ELAPOR2: variants seen among roughly 807,000 people sequenced by gnomAD.
ELAPOR2 encodes endosome/lysosome-associated apoptosis and autophagy regulator family member 2.
In ELAPOR2, 89 loss-of-function variants were observed where a neutral mutation model predicts 120.7. The ratio of observed to expected loss-of-function variants is 0.74; its 90% CI spans 0.62 to 0.88. ELAPOR2 has a LOEUF of 0.88. Among genes scored for constraint, ELAPOR2 ranks in the 40% least tolerant of loss-of-function variants. ELAPOR2 has a pLI of 0.00. For synonymous variants in ELAPOR2, 444 were observed against 444.9 expected (o/e 1.00, Z 0.03); for missense variants, 1,134 against 1,251.6 (o/e 0.91, Z 1.42).
At chr7:86,925,196 T>C (rs946483985) in intron 10 of ELAPOR2, among the ~76,000 whole-genome samples, 3 of 152,006 alleles carry the variant, frequency 2.0e-5, no homozygotes, top group Admixed American at 6.6e-5. Flanking sequence ...AATCCCATCA[T>C]GCTACTCTTT....
rs866577022 is a variant in ELAPOR2 at position 87,045,393 on chromosome 7, T to C, written c.189+13932A>G. ...ACAATGATAGACTGGATTAAGAAAA[T>C]GTGGCACATATACACCATGGAATAC... On this transcript the variant is annotated intron_variant, in intron 1 of 21. Transcript: ENST00000450689. Among the ~76,000 whole-genome samples, 656 of 149,544 alleles carry C rather than the reference T, an allele frequency of 4.4e-3. 4 individuals are homozygous for C. The highest frequency in any genetic ancestry group is 0.016 in the African/African-American group (634 of 39,432).
chr7:86,934,447 T>A (rs1790474634), intron 8 of ELAPOR2, among the ~76,000 whole-genome samples: 1 of 152,050 alleles, frequency 6.6e-6, no homozygotes, highest in South Asian at 2.1e-4. Context: ...CACCATTTAA[T>A]TCAATGTTGC....
intron 1 of ELAPOR2, among the ~76,000 whole-genome samples, chr7:87,008,856 A>G (rs895317378): frequency 2.6e-5 from 4 of 152,224 alleles, no homozygotes; most frequent in African/African-American, 9.6e-5. Context: ...AGTTCCTTGT[A>G]CTAGCCTTGC....
Position 86,942,052 on chromosome 7 carries a change from T to G in ELAPOR2, c.707A>C (p.Lys236Thr). The G allele has an allele frequency of 6.5e-7, 1 of 1,549,550 alleles. No individual in the cohort carries two copies. Among genetic ancestry groups the G allele is most frequent in the Non-Finnish European group, 8.7e-7 (1 of 1,145,270 alleles). The change falls in exon 5 of 22, where the codon AAA becomes ACA. Residue 236 changes from lysine (K) to threonine (T), a missense_variant. By Grantham distance (78) the Lys-to-Thr change is moderately conservative. Coordinates refer to ENST00000450689, the MANE Select transcript of ELAPOR2 (RefSeq NM_001142749.3). ...EMDTTTDKWV[K>T]LTDNGEWGSH... ...GCCCCATTCTCCATTGTCTGTAAGT[T>G]TTACCCACTTGTCAGTGGTGGTGTC...
chr7:86,889,663 T>G (rs1054378185), intron 21 of ELAPOR2, among the ~76,000 whole-genome samples: 2 of 152,062 alleles, frequency 1.3e-5, no homozygotes, highest in African/African-American at 4.8e-5. Context: ...GAATTTTCCA[T>G]GTAATGTTTG....
In ELAPOR2 at chr7:86,897,480, C is replaced by T. The variant is rs777276834; in HGVS notation, c.2685+26G>A. On this transcript the variant is annotated intron_variant, in intron 19 of 21. Coordinates refer to ENST00000450689, the MANE Select transcript of ELAPOR2 (RefSeq NM_001142749.3). ...AGATTAACCAACTATAATGCCGAAG[C>T]TCTGCCTTGAGAGTTTATCCCTTAC... 28 of 1,605,804 alleles carry T rather than the reference C, an allele frequency of 1.7e-5. No homozygotes were observed. The Admixed American group carries it at 4.8e-4, about 27-fold the overall frequency.
At chr7:86,914,648 T>C in intron 13 of ELAPOR2, 75 bp downstream of exon 13, 1 of 1,248,652 alleles carries the variant, frequency 8.0e-7, no homozygotes, top group Non-Finnish European at 1.1e-6. Flanking sequence ...ATTTGAGTTA[T>C]CACTTTGTAT....
Position 86,907,778 on chromosome 7 carries a change from T to C in ELAPOR2, c.2457-7A>G. 1 of 1,501,826 alleles carries C rather than the reference T, an allele frequency of 6.7e-7. No homozygotes were observed. Among genetic ancestry groups the C allele is most frequent in the South Asian group, 1.3e-5 (1 of 76,768 alleles). 93.0% of individuals were successfully genotyped at this position (1,501,826 alleles called of 1,614,324 possible). On this transcript the variant is annotated splice_region_variant and splice_polypyrimidine_tract_variant and intron_variant, in intron 17 of 21. Coordinates refer to ENST00000450689, the MANE Select transcript of ELAPOR2 (RefSeq NM_001142749.3). ...TGTTGTTGCTGTAGAAGACCTATTG[T>C]AAGCCAAATAACATTTTTAAAAAAC...
At chr7:86,946,572 A>G (rs576734820) in intron 3 of ELAPOR2, among the ~76,000 whole-genome samples, 1 of 152,230 alleles carries the variant, frequency 6.6e-6, no homozygotes, top group South Asian at 2.1e-4. Flanking sequence ...TTTTTAGTAG[A>G]GATGGGGTTT....
intron 1 of ELAPOR2, among the ~76,000 whole-genome samples, chr7:87,002,823 C>T (rs1793360971): frequency 6.6e-6 from 1 of 152,154 alleles, no homozygotes; most frequent in Non-Finnish European, 1.5e-5. Context: ...CAGCACTTCA[C>T]TGTAGCAGAG....
intron 8 of ELAPOR2, among the ~76,000 whole-genome samples, chr7:86,929,949 T>C (rs113300477): frequency 0.024 from 3,638 of 152,034 alleles, 135 homozygotes; most frequent in African/African-American, 0.083. Context: ...CCTGAGGTCT[T>C]CTCAGCCACG....
chr7:87,004,788 T>C (rs998260898), intron 1 of ELAPOR2, among the ~76,000 whole-genome samples: 1 of 152,114 alleles, frequency 6.6e-6, no homozygotes, highest in Non-Finnish European at 1.5e-5. Context: ...GGCCCTAAAC[T>C]GCTATGCATA....
rs562032542 is a variant in ELAPOR2, at chr7:86,991,554, T to C, written c.190-26530A>G. Reference sequence around the variant, plus strand: ...CACATGACTTTTCTGATTATGAAAGTAATTAGTAAGTTATTGTTGACAGTT... The same window carrying C: ...CACATGACTTTTCTGATTATGAAAGCAATTAGTAAGTTATTGTTGACAGTT... On this transcript the variant is annotated intron_variant, in intron 1 of 21. Transcript: ENST00000450689. 2.6e-5 allele frequency among the ~76,000 whole-genome samples: 4 copies of C among 152,308 alleles called. No individual in the cohort carries two copies. In the South Asian group the frequency reaches 8.3e-4, roughly 32 times the overall value.
intron 2 of ELAPOR2, 59 bp from the exon 3 acceptor site, chr7:86,947,981 C>G: frequency 8.8e-7 from 1 of 1,134,706 alleles, no homozygotes; most frequent in Non-Finnish European, 1.3e-6. Context: ...TCCTCCCCTT[C>G]ATGCTGTCAC....
intron 1 of ELAPOR2, among the ~76,000 whole-genome samples, chr7:87,039,921 C>T (rs1263967490): frequency 1.3e-5 from 2 of 152,002 alleles, no homozygotes; most frequent in South Asian, 4.1e-4. Context: ...GCGCACCGTG[C>T]ACGAGCCAAA....
At chr7:86,972,327 C>G (rs765798118) in intron 1 of ELAPOR2, among the ~76,000 whole-genome samples, 3 of 152,106 alleles carry the variant, frequency 2.0e-5, no homozygotes, top group African/African-American at 4.8e-5. Context: ...ATTGGGAACC[C>G]GGGCAGTGAG....
At chr7:87,055,491 G>C (rs1443362703) in intron 1 of ELAPOR2, among the ~76,000 whole-genome samples, 2 of 152,152 alleles carry the variant, frequency 1.3e-5, no homozygotes, top group Non-Finnish European at 2.9e-5. Flanking sequence ...CTGTACTTCA[G>C]TTAGAACCAA....
At chr7:86,900,816 A>G (rs1328013616) in intron 18 of ELAPOR2, among the ~76,000 whole-genome samples, 1 of 152,208 alleles carries the variant, frequency 6.6e-6, no homozygotes, top group Non-Finnish European at 1.5e-5. Flanking sequence ...AACAGCACTT[A>G]TTTTTAGTAT....
intron 8 of ELAPOR2, among the ~76,000 whole-genome samples, chr7:86,937,322 C>T (rs970796783): frequency 6.6e-6 from 1 of 152,018 alleles, no homozygotes; most frequent in African/African-American, 2.4e-5. Context: ...GATGCAAAAA[C>T]AAGAGAAGAA....
Sources: allele counts gnomAD v4.1 joint callset (sites outside exome capture counted in the v4.1 genomes callset), GRCh38; gene constraint gnomAD v4.1.1; transcripts MANE v1.5; gene names NCBI Gene and HGNC (gene_info 2026-07-23, HGNC 2026-07-21).